DIP2C: variants seen among roughly 807,000 people sequenced by gnomAD.
DIP2C encodes the protein disco-interacting protein 2 homolog C.
DIP2C carries 33 observed loss-of-function variants against 192.4 expected under a neutral mutation model. The ratio of observed to expected loss-of-function variants is 0.17; its 90% confidence interval spans 0.13 to 0.23. DIP2C has a LOEUF of 0.23. Ranked by LOEUF, DIP2C falls within the 10% of genes least tolerant of loss-of-function variation. The pLI is 1.00. For missense variants in DIP2C, 1,537 were observed against 2,110.1 expected, an observed-to-expected ratio of 0.73 and a Z score of 5.32; for synonymous variants, 979 against 864.1, an observed-to-expected ratio of 1.13 and a Z score of -2.33.
chr10:540,524 GC>G (rs1268131626), intron 1 of DIP2C, among the ~76,000 whole-genome samples: 1 of 152,204 alleles, frequency 6.6e-6, no homozygotes, highest in Non-Finnish European at 1.5e-5. Context: ...CACTGAAAAA[GC>G]CTATTCTATA....
intron 32 of DIP2C, among the ~76,000 whole-genome samples, chr10:298,614 C>A (rs1955873630): frequency 6.6e-6 from 1 of 152,230 alleles, no homozygotes; most frequent in African/African-American, 2.4e-5. Context: ...GGCCCATTAG[C>A]TTGTGATGGG....
Position 329,436 on chromosome 10 carries a change from G to A in DIP2C, c.3750C>T (p.Leu1250=), listed in dbSNP as rs146315869. 27 of 1,612,888 alleles carry A rather than the reference G, an allele frequency of 1.7e-5. No individual in the cohort carries two copies. The highest frequency in any genetic ancestry group is 8.3e-5 in the Admixed American group (5 of 59,902). ...AGCTGCCAAGGGAGCTGCTTACCTTGAGGGACTCTGTTTGCGAGCCCAGCC... is the reference window on the plus strand; with the variant it reads ...AGCTGCCAAGGGAGCTGCTTACCTTAAGGGACTCTGTTTGCGAGCCCAGCC... The part of the protein sequence containing the change: ...TKGLGSQTES[L]KARGLDLSRV... Residue 1250 remains leucine, a synonymous_variant, in exon 30 of 37, where the codon CTC becomes CTT. Transcript: ENST00000280886.
chr10:327,522 T>C (rs1957328203), intron 30 of DIP2C, among the ~76,000 whole-genome samples: 1 of 152,168 alleles, frequency 6.6e-6, no homozygotes, highest in Non-Finnish European at 1.5e-5. Flanking sequence ...TACATTCTTC[T>C]GGGCATGGAT....
intron 1 of DIP2C, among the ~76,000 whole-genome samples, chr10:618,918 G>A (rs891932536): frequency 1.3e-5 from 2 of 152,194 alleles, no homozygotes; most frequent in Non-Finnish European, 2.9e-5. Flanking sequence ...AACCTGAAAG[G>A]ACAGGTCTGT....
chr10:473,619 C>A (rs1409120240), intron 2 of DIP2C, among the ~76,000 whole-genome samples: 1 of 152,202 alleles, frequency 6.6e-6, no homozygotes, highest in Admixed American at 6.5e-5. Flanking sequence ...TACGCCGTCC[C>A]CACAGCTCCG....
intron 3 of DIP2C, among the ~76,000 whole-genome samples, chr10:466,395 G>A (rs1970202291): frequency 7.5e-6 from 1 of 133,246 alleles, no homozygotes; most frequent in African/African-American, 2.7e-5. Flanking sequence ...AATTCAAGAT[G>A]GATTAAAGAC....
chr10:564,669 G>A (rs528125929), intron 1 of DIP2C, among the ~76,000 whole-genome samples: 9 of 152,138 alleles, frequency 5.9e-5, no homozygotes, highest in South Asian at 4.2e-4. Context: ...CCTCCTTAGC[G>A]GATTTCTGTG....
intron 1 of DIP2C, among the ~76,000 whole-genome samples, chr10:621,413 C>T (rs912130966): frequency 3.3e-5 from 5 of 151,134 alleles, no homozygotes; most frequent in African/African-American, 9.7e-5. Flanking sequence ...TATGTGCTCA[C>T]GAGTCTGCCA....
In DIP2C at chr10:329,715, C is replaced by T. The variant is rs561651967; in HGVS notation, c.3585-114G>A. On this transcript the variant is annotated intron_variant, in intron 29 of 36. Transcript: ENST00000280886. ...AGGAAAAGGAGGACTTGGAACAGCC[C>T]GTGCTGCCATCTGTAGAAGGGCACA... 40 of 1,322,308 alleles carry T rather than the reference C, an allele frequency of 3.0e-5. No individual in the cohort carries two copies. In the Middle Eastern group the frequency reaches 8.6e-4, roughly 28 times the overall value. 81.9% of individuals were successfully genotyped at this position (1,322,308 alleles called of 1,614,324 possible).
intron 12 of DIP2C, 58 bp from the exon 13 acceptor site, chr10:390,151 GTTAC>G: frequency 1.4e-5 from 23 of 1,586,218 alleles, no homozygotes; most frequent in Non-Finnish European, 1.9e-5. Flanking sequence ...AGTTTTTCTG[GTTAC>G]TTGAGGTTCT....
intron 4 of DIP2C, among the ~76,000 whole-genome samples, chr10:428,791 T>TG (rs1274457943): frequency 2.0e-5 from 3 of 152,226 alleles, no homozygotes; most frequent in African/African-American, 7.2e-5. Flanking sequence ...CTTGAGGTTC[T>TG]GTTCGCATTT....
chr10:523,643 G>A (rs943257126), intron 1 of DIP2C, among the ~76,000 whole-genome samples: 11 of 145,608 alleles, frequency 7.6e-5, no homozygotes, highest in East Asian at 2.1e-4. Context: ...CCGCACACTC[G>A]TTTCTACCGG....
intron 1 of DIP2C, among the ~76,000 whole-genome samples, chr10:660,927 CA>C (rs1276789070): frequency 1.2e-4 from 18 of 152,170 alleles, no homozygotes; most frequent in Admixed American, 1.0e-3. Context: ...TACAGAGCTC[CA>C]AATGCCGTAA....
At chr10:568,358 G>A (rs372500055) in intron 1 of DIP2C, among the ~76,000 whole-genome samples, 5 of 152,292 alleles carry the variant, frequency 3.3e-5, no homozygotes, top group African/African-American at 1.2e-4. Flanking sequence ...ACCGTGGGGT[G>A]AGACGCTGTT....
chr10:498,233 C>T lies in DIP2C; in HGVS notation c.86-11703G>A, dbSNP rs182771359. ...CCTCTTGCTATCCAGCTGGCTTCCC[C>T]GGCTGCAGTGATGCTGCTGCTGTTT... On this transcript the variant is annotated intron_variant, in intron 1 of 36. Transcript: ENST00000280886. Among the ~76,000 whole-genome samples the T allele has an allele frequency of 4.4e-3, 676 of 152,304 alleles. 7 individuals are homozygous for T. Among genetic ancestry groups the T allele is most frequent in the Non-Finnish European group, 6.3e-3 (426 of 68,028 alleles).
rs1452066171 is a variant in DIP2C, at chr10:486,471, G to T, written c.145C>A (p.Pro49Thr). 3 of 1,601,848 alleles carry T rather than the reference G, an allele frequency of 1.9e-6. No individual in the cohort carries two copies. The highest frequency in any genetic ancestry group is 2.3e-5 in the South Asian group (2 of 88,772). Residue 49 changes from proline to threonine, a missense_variant, in exon 2 of 37, where the codon CCG (proline) becomes ACG (threonine). Transcript: ENST00000280886. ...KRSKLIGAYL[P>T]QPPRVDQALP... is the part of the protein sequence containing the mutation. ...GGGGGTTACCTACTCGGAGGCTGCG[G>T]AAGGTAGGCTCCAATTAACTTTGAC...
chr10:572,375 C>T (rs1004282650), intron 1 of DIP2C, among the ~76,000 whole-genome samples: 1 of 152,204 alleles, frequency 6.6e-6, no homozygotes, highest in Non-Finnish European at 1.5e-5. Flanking sequence ...AATTCAACTC[C>T]GTCCAGGCAG....
intron 29 of DIP2C, among the ~76,000 whole-genome samples, chr10:334,965 CCCCCAAAAAAT>C (rs922084704): frequency 1.3e-5 from 2 of 152,144 alleles, no homozygotes; most frequent in African/African-American, 4.8e-5. Flanking sequence ...CCCCAAAAAA[CCCCCAAAAAAT>C]AGCCTGCCAA....
chr10:463,988 A>G (rs1226886066), intron 3 of DIP2C, among the ~76,000 whole-genome samples: 2 of 152,248 alleles, frequency 1.3e-5, no homozygotes, highest in Admixed American at 1.3e-4. Flanking sequence ...TTATACAAAA[A>G]TTAACTCAAA....
Sources: gnomAD v4.1 joint callset for allele counts (sites outside exome capture counted in the v4.1 genomes callset) on GRCh38, gnomAD v4.1.1 for gene constraint, MANE v1.5 for transcripts, NCBI Gene and HGNC (gene_info 2026-07-23, HGNC 2026-07-21) for gene names.